The following SLC41A1 variants were observed in gnomAD, a reference collection of about 807,000 sequenced individuals.
The protein encoded by SLC41A1 is solute carrier family 41 member 1.
SLC41A1 carries 20 observed loss-of-function variants against 47.3 expected under a neutral mutation model. The observed-to-expected ratio is 0.42, with a 90% CI of 0.30 to 0.61. SLC41A1 has a LOEUF of 0.61. SLC41A1 is among the 20% of genes least tolerant of loss of function. The pLI is 0.17. For missense variants in SLC41A1, 504 were observed against 674.1 expected (o/e 0.75, Z 2.79); for synonymous variants, 282 against 272.7 (o/e 1.03, Z -0.34).
In SLC41A1 at chr1:205,795,036, A is replaced by G; in HGVS notation, c.1208-18T>C. The G allele has an allele frequency of 6.2e-7, 1 of 1,613,186 alleles. No homozygotes were observed. The highest frequency in any genetic ancestry group is 1.3e-5 in the African/African-American group (1 of 74,994). ...ATTCACATCTGGAATTGGGGAAAAG[A>G]GGGTGTAAAGAGGAGGGGAGGAGAA... On this transcript the variant is annotated intron_variant, in intron 9 of 10. Coordinates refer to ENST00000367137, the MANE Select transcript of SLC41A1 (RefSeq NM_173854.6).
intron 2 of SLC41A1, among the ~76,000 whole-genome samples, chr1:205,806,047 A>C (rs1656007170): frequency 6.6e-6 from 1 of 152,228 alleles, no homozygotes; most frequent in South Asian, 2.1e-4. Flanking sequence ...TTTTAGGGTA[A>C]GGACTGGGTC....
At chr1:205,811,164 C>T (rs1026609492) in intron 1 of SLC41A1, 77 bp from the exon 2 acceptor site, 8 of 153,194 alleles carry the variant, frequency 5.2e-5, no homozygotes, top group African/African-American at 1.7e-4. Flanking sequence ...GAGAATTTCC[C>T]CCCAAGGAAG....
At position 205,811,304 on chromosome 1, in the gene SLC41A1, C is replaced by T. The variant is rs558033675; in HGVS notation, c.-646-217G>A. Among the ~76,000 whole-genome samples, 3 of 152,266 alleles carry T rather than the reference C, an allele frequency of 2.0e-5. No individual in the cohort carries two copies. In the East Asian group the frequency reaches 5.8e-4, roughly 29 times the overall value. ...CCCCGCCATCCTCCCCACCAGCAACCCTCCTGAGGGATCACCACCGTGGTC... is the reference window on the plus strand; with the variant it reads ...CCCCGCCATCCTCCCCACCAGCAACTCTCCTGAGGGATCACCACCGTGGTC... On this transcript the variant is annotated intron_variant, in intron 1 of 10. Coordinates refer to ENST00000367137, the MANE Select transcript of SLC41A1 (RefSeq NM_173854.6).
chr1:205,799,619 C>T, intron 4 of SLC41A1, 140 bp downstream of exon 4: 1 of 932,254 alleles, frequency 1.1e-6, no homozygotes, highest in Non-Finnish European at 1.7e-6. Flanking sequence ...CTAGTTACCT[C>T]CTAGAGCTAC....
chr1:205,808,988 C>T (rs1448628626), intron 2 of SLC41A1, among the ~76,000 whole-genome samples: 1 of 152,174 alleles, frequency 6.6e-6, no homozygotes, highest in Non-Finnish European at 1.5e-5. Context: ...TGCTAAGCTT[C>T]GTGTCCTTCT....
Position 205,810,207 on chromosome 1 carries a change from C to A in SLC41A1, c.235G>T (p.Val79Phe). 1 of 1,614,250 alleles carries A rather than the reference C, an allele frequency of 6.2e-7. No individual in the cohort carries two copies. The highest frequency in any genetic ancestry group is 8.5e-7 in the Non-Finnish European group (1 of 1,180,042). ...GGCGCAGGGCCACGGTCTGTGCTGA[C>A]GTCGTCACTTTCGTTGCTCTGGCTC... ...NGSQSNESDDVSTDRGPAPPS... is the reference protein window; with the variant it reads ...NGSQSNESDDFSTDRGPAPPS... The change falls in exon 2 of 11, where the codon GTC becomes TTC. Residue 79 changes from valine to phenylalanine, a missense_variant. Transcript: ENST00000367137. The surrounding 1 kb of genome is among the most constrained non-coding windows in gnomAD (Gnocchi z 5.5).
intron 2 of SLC41A1, among the ~76,000 whole-genome samples, chr1:205,805,291 T>A (rs998053942): frequency 1.3e-5 from 2 of 152,120 alleles, no homozygotes; most frequent in African/African-American, 4.8e-5. Context: ...AAGCTGCAGC[T>A]CAGGCAGAAA....
chr1:205,810,359 G>C lies in SLC41A1; in HGVS notation c.83C>G (p.Pro28Arg), dbSNP rs747162664. ...GGTCCCAGCCAAGGGCTCTCTCCCT[G>C]GGCCATCTGAAGAGCAGGGAGAGGC... ...PSASPCSSDG[P>R]GREPLAGTSE... is the part of the protein sequence containing the mutation. Residue 28 changes from proline (P) to arginine (R), a missense_variant, in exon 2 of 11, where the codon CCA (proline) becomes CGA (arginine). Transcript: ENST00000367137. The surrounding 1 kb of genome is among the most constrained non-coding windows in gnomAD (Gnocchi z 5.5). 6.2e-7 allele frequency: 1 copy of C among 1,614,132 alleles called. No individual in the cohort carries two copies.
chr1:205,807,622 G>A (rs913891480), intron 2 of SLC41A1, among the ~76,000 whole-genome samples: 49 of 141,062 alleles, frequency 3.5e-4, no homozygotes, highest in African/African-American at 1.2e-3. Context: ...TTCAAGGAAA[G>A]ACAAAGAAAA....
rs565973323 is a variant in SLC41A1 at position 205,810,905 on chromosome 1, C to T, written c.-464G>A. The stretch of plus-strand genomic sequence containing the variant: ...AGAACACAGTGCCAGCCTGGGGCTG[C>T]GGCTCCTTCCCGCTCCTTTGGCTGG... On this transcript the variant is annotated 5_prime_UTR_variant, in exon 2 of 11. Coordinates refer to ENST00000367137, the MANE Select transcript of SLC41A1 (RefSeq NM_173854.6). The surrounding 1 kb of genome is among the most constrained non-coding windows in gnomAD (Gnocchi z 5.5). 1.6e-5 allele frequency: 3 copies of T among 185,064 alleles called. No homozygotes were observed. The highest frequency in any genetic ancestry group is 3.4e-5 in the Non-Finnish European group (3 of 87,328). The allele number at this position is 185,064 out of a possible 1,614,324, so 11.5% of individuals were successfully genotyped here. A position where few individuals can be genotyped will look rare whatever the true frequency, so the allele number is the denominator to read the frequency against.
rs541778634 is a variant in SLC41A1, at chr1:205,794,215, AATTTCCTGATTTTGATACTGTCCT to A, written c.1356+631_1356+654del. 2.2e-4 allele frequency among the ~76,000 whole-genome samples: 33 copies of A among 152,318 alleles called. No homozygotes were observed. In the East Asian group the frequency reaches 6.2e-3, roughly 28 times the overall value. ...AAGCACTGCAGATTGCATCAATGCT[AATTTCCTGATTTTGATACTGTCCT>A]AAAGTTATGCAAAATGTTATTTTCC... On this transcript the variant is annotated intron_variant, in intron 10 of 10. Coordinates refer to ENST00000367137, the MANE Select transcript of SLC41A1 (RefSeq NM_173854.6).
chr1:205,795,308 C>T (rs778108172), intron 9 of SLC41A1, 36 bp downstream of exon 9: 2 of 1,613,748 alleles, frequency 1.2e-6, no homozygotes, highest in South Asian at 1.1e-5. Context: ...TAGGCCCACT[C>T]CCCCCAGGGC....
At chr1:205,809,565 A>G (rs1359903224) in intron 2 of SLC41A1, among the ~76,000 whole-genome samples, 1 of 152,190 alleles carries the variant, frequency 6.6e-6, no homozygotes, top group Non-Finnish European at 1.5e-5. Flanking sequence ...GCAACACAAA[A>G]TGCCTTCAAG....
Position 205,798,787 on chromosome 1 carries a change from G to A in SLC41A1, c.726C>T (p.Gly242=), listed in dbSNP as rs1184836348. ...LGMIMIGVII[G]SRKIGINPDN... ...CTGGGTTGATCCCAATCTTGCGAGAGCCAATGATGACTCCAATCATGATCA... is the reference window on the plus strand; with the variant it reads ...CTGGGTTGATCCCAATCTTGCGAGAACCAATGATGACTCCAATCATGATCA... Residue 242 remains glycine, a synonymous_variant, in exon 6 of 11, where the codon GGC becomes GGT. Transcript: ENST00000367137. The A allele has an allele frequency of 6.2e-7, 1 of 1,614,172 alleles. No homozygotes were observed. The highest frequency in any genetic ancestry group is 2.2e-5 in the East Asian group (1 of 44,876).
Position 205,794,981 on chromosome 1 carries a change from G to A in SLC41A1, c.1245C>T (p.Leu415=), listed in dbSNP as rs541250820. The A allele has an allele frequency of 3.0e-5, 48 of 1,613,898 alleles. No homozygotes were observed. Among genetic ancestry groups the A allele is most frequent in the East Asian group, 4.5e-5 (2 of 44,904 alleles). ...GGAACACCAGGTGTCCTGGGACCAC[G>A]AGGAGGAAGAGGACCCGGGCTGAGC... ...NSRSARVLFL[L]VVPGHLVFLY... is the part of the protein sequence containing the mutation. Residue 415 remains leucine, a synonymous_variant, in exon 10 of 11, where the codon CTC becomes CTT. Coordinates refer to ENST00000367137, the MANE Select transcript of SLC41A1 (RefSeq NM_173854.6).
chr1:205,793,906 G>GAC (rs1222289956), intron 10 of SLC41A1, among the ~76,000 whole-genome samples: 8 of 152,118 alleles, frequency 5.3e-5, no homozygotes, highest in African/African-American at 1.9e-4. Context: ...TGAAGAAGAG[G>GAC]ACAGAAAAGA....
In SLC41A1 at chr1:205,813,034, G is replaced by A; in HGVS notation, c.-873C>T. The A allele has an allele frequency of 1.0e-6, 1 of 985,532 alleles. No individual in the cohort carries two copies. Among genetic ancestry groups the A allele is most frequent in the South Asian group, 4.7e-5 (1 of 21,288 alleles). 61.0% of individuals were successfully genotyped at this position (985,532 alleles called of 1,614,324 possible). A position where few individuals can be genotyped will look rare whatever the true frequency, so the allele number is the denominator to read the frequency against. On this transcript the variant is annotated 5_prime_UTR_variant, in exon 1 of 11. Coordinates refer to ENST00000367137, the MANE Select transcript of SLC41A1 (RefSeq NM_173854.6). Reference sequence around the variant, plus strand: ...CGAGGCCGCCGCTCCGCTTCCACGCGGGGGAGGTGGCCGGGGAGGGCAGGA... The same window carrying A: ...CGAGGCCGCCGCTCCGCTTCCACGCAGGGGAGGTGGCCGGGGAGGGCAGGA...
In SLC41A1 at chr1:205,810,518, G is replaced by T. The variant is rs1656126438; in HGVS notation, c.-77C>A. On this transcript the variant is annotated 5_prime_UTR_variant, in exon 2 of 11. Coordinates refer to ENST00000367137, the MANE Select transcript of SLC41A1 (RefSeq NM_173854.6). The surrounding 1 kb of genome is among the most constrained non-coding windows in gnomAD (Gnocchi z 5.5). ...CTCTCTTCTTCTCTAACTTGGGAAAGAACTTAGTCTTGGGGTGAACCCAGG... is the reference window on the plus strand; with the variant it reads ...CTCTCTTCTTCTCTAACTTGGGAAATAACTTAGTCTTGGGGTGAACCCAGG... 3.1e-6 allele frequency: 5 copies of T among 1,609,768 alleles called. No homozygotes were observed. The highest frequency in any genetic ancestry group is 2.2e-5 in the South Asian group (2 of 90,414).
At position 205,790,122 on chromosome 1, in the gene SLC41A1, C is replaced by T. The variant is rs1432847005; in HGVS notation, c.*1411G>A. On this transcript the variant is annotated 3_prime_UTR_variant, in exon 11 of 11. Coordinates refer to ENST00000367137, the MANE Select transcript of SLC41A1 (RefSeq NM_173854.6). The stretch of plus-strand genomic sequence containing the variant: ...CTGGTTGAGCAATGGGGCGGTGGCT[C>T]TAGCTGTGGTCAGCACTGCACAGAG... 1 of 152,204 alleles carries T rather than the reference C, an allele frequency of 6.6e-6. No individual in the cohort carries two copies. The highest frequency in any genetic ancestry group is 2.4e-5 in the African/African-American group (1 of 41,416). 9.4% of individuals were successfully genotyped at this position (152,204 alleles called of 1,614,324 possible). A position where few individuals can be genotyped will look rare whatever the true frequency, so the allele number is the denominator to read the frequency against.
Sources: allele counts gnomAD v4.1 joint callset (sites outside exome capture counted in the v4.1 genomes callset), GRCh38; gene constraint gnomAD v4.1.1; non-coding constraint Gnocchi (gnomAD v3.1); transcripts MANE v1.5; gene names NCBI Gene and HGNC (gene_info 2026-07-23, HGNC 2026-07-21).